The following DGKI variants were observed in gnomAD, a reference collection of about 807,000 sequenced individuals.
DGKI encodes diacylglycerol kinase iota, also known as DAG kinase iota.
In DGKI, 55 loss-of-function variants were observed where a neutral mutation model predicts 147.5. That is an observed-to-expected ratio of 0.37 (90% CI 0.30 to 0.47). The LOEUF is 0.47. DGKI is among the 20% of genes least tolerant of loss of function. The probability of loss-of-function intolerance (pLI) is 1.00; values close to 1 mark genes in which losing one functional copy is unlikely to be tolerated. For synonymous variants in DGKI, 469 were observed against 477.1 expected (o/e 0.98, Z 0.22); for missense variants, 1,007 against 1,323.8 (o/e 0.76, Z 3.71).
intron 1 of DGKI, among the ~76,000 whole-genome samples, chr7:137,732,014 A>G (rs1339759270): frequency 6.6e-6 from 1 of 152,058 alleles, no homozygotes; most frequent in African/African-American, 2.4e-5. Flanking sequence ...CCACCTTCCA[A>G]TAATACTTTA....
At chr7:137,407,142 TCC>T (rs1288243203) in intron 30 of DGKI, among the ~76,000 whole-genome samples, 5 of 152,328 alleles carry the variant, frequency 3.3e-5, no homozygotes, top group South Asian at 4.1e-4. Flanking sequence ...GCAGTATTTT[TCC>T]CCTTTATTCC....
At chr7:137,837,749 T>A (rs1798427580) in intron 1 of DGKI, among the ~76,000 whole-genome samples, 1 of 152,042 alleles carries the variant, frequency 6.6e-6, no homozygotes, top group African/African-American at 2.4e-5. Flanking sequence ...ACCTCCAGAA[T>A]GATGAGAAAG....
At chr7:137,589,236 G>A (rs932084657) in intron 12 of DGKI, among the ~76,000 whole-genome samples, 6 of 152,342 alleles carry the variant, frequency 3.9e-5, no homozygotes, top group South Asian at 2.1e-4. Flanking sequence ...TCATGGTAAC[G>A]TTGGTTCTCC....
intron 1 of DGKI, among the ~76,000 whole-genome samples, chr7:137,752,886 A>C (rs1388814767): frequency 2.0e-5 from 3 of 151,522 alleles, no homozygotes; most frequent in African/African-American, 7.3e-5. Context: ...CTACACCTCC[A>C]CTCACCAGCC....
chr7:137,797,849 A>C (rs1007097944), intron 1 of DGKI, among the ~76,000 whole-genome samples: 3 of 152,100 alleles, frequency 2.0e-5, no homozygotes, highest in African/African-American at 7.2e-5. Flanking sequence ...GAAGGAAGAA[A>C]ATAATAAAAC....
intron 19 of DGKI, among the ~76,000 whole-genome samples, chr7:137,554,928 T>G (rs1258811582): frequency 6.9e-6 from 1 of 144,566 alleles, no homozygotes; most frequent in Non-Finnish European, 1.5e-5. Flanking sequence ...TTTTTTTTTT[T>G]TTTTTTTGAG....
intron 27 of DGKI, among the ~76,000 whole-genome samples, chr7:137,451,494 C>G (rs555520991): frequency 6.6e-6 from 1 of 152,128 alleles, no homozygotes; most frequent in African/African-American, 2.4e-5. Flanking sequence ...TCTAGTAGAT[C>G]GATTACAAGG....
At chr7:137,795,104 T>C (rs1476977087) in intron 1 of DGKI, among the ~76,000 whole-genome samples, 1 of 152,224 alleles carries the variant, frequency 6.6e-6, no homozygotes, top group Non-Finnish European at 1.5e-5. Context: ...ATGAGAGCAG[T>C]TGCAAAAATT....
intron 1 of DGKI, among the ~76,000 whole-genome samples, chr7:137,699,242 A>G (rs1374892662): frequency 6.6e-6 from 1 of 152,004 alleles, no homozygotes; most frequent in Non-Finnish European, 1.5e-5. Context: ...TGACCTATTC[A>G]CCTCTCAAAA....
intron 3 of DGKI, among the ~76,000 whole-genome samples, chr7:137,661,799 G>GTCCTCTCCTCCTC: frequency 6.6e-6 from 1 of 152,278 alleles, no homozygotes; most frequent in East Asian, 1.9e-4. Flanking sequence ...AGGCAGGACT[G>GTCCTCTCCTCCTC]TCCTCTCCTC....
rs369280098 is a variant in DGKI, at chr7:137,566,255, T to C, written c.1947+4920A>G. Among the ~76,000 whole-genome samples the C allele has an allele frequency of 3.3e-5, 5 of 152,264 alleles. No homozygotes were observed. In the South Asian group the frequency reaches 8.3e-4, roughly 25 times the overall value. On this transcript the variant is annotated intron_variant, in intron 19 of 32. Coordinates refer to ENST00000614521, the MANE Select transcript of DGKI (RefSeq NM_001321708.2). ...TATTTGTCTGTTTACATAATCATCT[T>C]AAACAAATGTTTGAGTTTTCAAATA...
At chr7:137,638,533 C>T (rs28432689) in intron 6 of DGKI, among the ~76,000 whole-genome samples, 30,544 of 55,620 alleles carry the variant, frequency 0.55, 6,131 homozygotes, top group African/African-American at 0.61. Context: ...TATACACACA[C>T]ATATATGTAT....
intron 12 of DGKI, among the ~76,000 whole-genome samples, chr7:137,588,808 G>T (rs896766090): frequency 5.6e-4 from 85 of 152,128 alleles, no homozygotes; most frequent in African/African-American, 2.0e-3. Context: ...CCATGCCTGA[G>T]CAAAGTCCTT....
At chr7:137,674,399 C>T (rs775669942) in intron 3 of DGKI, among the ~76,000 whole-genome samples, 3 of 152,146 alleles carry the variant, frequency 2.0e-5, no homozygotes, top group African/African-American at 4.8e-5. Flanking sequence ...CAGGAGGTCC[C>T]GGCTTTGCAG....
At chr7:137,475,317 C>T (rs942105695) in intron 23 of DGKI, among the ~76,000 whole-genome samples, 10 of 152,166 alleles carry the variant, frequency 6.6e-5, no homozygotes, top group African/African-American at 2.4e-4. Flanking sequence ...GCTTATAGGG[C>T]TTGTCTTAAT....
intron 1 of DGKI, among the ~76,000 whole-genome samples, chr7:137,729,227 A>T (rs1563170300): frequency 6.6e-6 from 1 of 152,200 alleles, no homozygotes; most frequent in Non-Finnish European, 1.5e-5. Flanking sequence ...AGAAAAAAAG[A>T]TAATCTCAGG....
chr7:137,726,443 T>C (rs1794720955), intron 1 of DGKI, among the ~76,000 whole-genome samples: 1 of 152,210 alleles, frequency 6.6e-6, no homozygotes, highest in African/African-American at 2.4e-5. Flanking sequence ...TCAGGTAAGA[T>C]AATTCCGTAG....
chr7:137,480,273 T>C (rs1815327071), intron 23 of DGKI, among the ~76,000 whole-genome samples: 1 of 152,148 alleles, frequency 6.6e-6, no homozygotes, highest in South Asian at 2.1e-4. Flanking sequence ...GCTGGTACTG[T>C]CCTCTCTCAC....
At chr7:137,688,313 A>G (rs552665774) in intron 2 of DGKI, among the ~76,000 whole-genome samples, 1 of 152,332 alleles carries the variant, frequency 6.6e-6, no homozygotes, top group East Asian at 1.9e-4. Flanking sequence ...TGTTTGATGA[A>G]TTAATGAATT....
Sources: allele counts gnomAD v4.1 joint callset (sites outside exome capture counted in the v4.1 genomes callset), GRCh38; gene constraint gnomAD v4.1.1; transcripts MANE v1.5; gene names NCBI Gene and HGNC (gene_info 2026-07-23, HGNC 2026-07-21).